The following ASZ1 variants were observed in gnomAD, a reference collection of about 807,000 sequenced individuals.
The protein encoded by ASZ1 is ankyrin repeat, SAM and basic leucine zipper domain-containing protein 1.
ASZ1 carries 67 observed loss-of-function variants against 61.8 expected under a neutral mutation model. The ratio of observed to expected loss-of-function variants is 1.08; its 90% CI spans 0.89 to 1.33. The LOEUF (loss-of-function observed/expected upper bound fraction) is 1.33, where lower values mean the gene tolerates loss of function less well. Ranked by LOEUF, ASZ1 falls within the 40% of genes most tolerant of loss-of-function variation. The probability of loss-of-function intolerance (pLI) is 0.00; values close to 1 mark genes in which losing one functional copy is unlikely to be tolerated. For synonymous variants in ASZ1, 193 were observed against 192.7 expected (o/e 1.00, Z -0.01); for missense variants, 577 against 554.5 (o/e 1.04, Z -0.41).
At chr7:117,408,033 C>T (rs1277761882) in intron 4 of ASZ1, among the ~76,000 whole-genome samples, 1 of 152,160 alleles carries the variant, frequency 6.6e-6, no homozygotes, top group Non-Finnish European at 1.5e-5. Flanking sequence ...CTCATGTTCA[C>T]CAACTCAAAA....
Position 117,363,767 on chromosome 7 carries a change from A to T in ASZ1, c.1276-19T>A. The T allele has an allele frequency of 1.3e-6, 2 of 1,545,718 alleles. No individual in the cohort carries two copies. The highest frequency in any genetic ancestry group is 1.4e-5 in the African/African-American group (1 of 72,170). ...TTTGCAACTAATATTTAGTATGGAA[A>T]AAGAAAAGAGGAGTTACTGTACAAT... On this transcript the variant is annotated intron_variant, in intron 12 of 12. Transcript: ENST00000284629.
chr7:117,376,993 G>T (rs1354316582), intron 10 of ASZ1, among the ~76,000 whole-genome samples: 1 of 151,994 alleles, frequency 6.6e-6, no homozygotes, highest in Non-Finnish European at 1.5e-5. Context: ...ACCTCTTTTT[G>T]CAGACTACAT....
chr7:117,399,124 G>C (rs1796630204), intron 4 of ASZ1, among the ~76,000 whole-genome samples: 1 of 152,162 alleles, frequency 6.6e-6, no homozygotes, highest in African/African-American at 2.4e-5. Context: ...AAGCTCCTTA[G>C]GAGGCTGAGG....
chr7:117,377,286 G>C (rs1236836935), intron 10 of ASZ1, among the ~76,000 whole-genome samples: 7 of 152,138 alleles, frequency 4.6e-5, no homozygotes, highest in Admixed American at 4.6e-4. Flanking sequence ...CAGTACTTAG[G>C]GAGCCGAGGT....
chr7:117,401,521 G>A (rs1796680793), intron 4 of ASZ1, among the ~76,000 whole-genome samples: 1 of 152,098 alleles, frequency 6.6e-6, no homozygotes, highest in African/African-American at 2.4e-5. Context: ...AATAGGGATG[G>A]CACTATGTTT....
In ASZ1 at chr7:117,385,741, G is replaced by A; in HGVS notation, c.509C>T (p.Ala170Val). The change falls in exon 5 of 13, where the codon GCT becomes GTT. Residue 170 changes from alanine (A) to valine (V), a missense_variant. By Grantham distance (64) the Ala-to-Val change is moderately conservative (BLOSUM62 0). Coordinates refer to ENST00000284629, the MANE Select transcript of ASZ1 (RefSeq NM_130768.3). ...GHTQVVALLV[A>V]HGAEVNTQDE... Reference sequence around the variant, plus strand: ...CTGGGTATTAACTTCTGCTCCATGAGCAACAAGGAGAGCAACAACCTGGGT... The same window carrying A: ...CTGGGTATTAACTTCTGCTCCATGAACAACAAGGAGAGCAACAACCTGGGT... The A allele has an allele frequency of 3.7e-6, 6 of 1,613,228 alleles. No homozygotes were observed. Among genetic ancestry groups the A allele is most frequent in the Non-Finnish European group, 5.1e-6 (6 of 1,179,410 alleles).
intron 4 of ASZ1, among the ~76,000 whole-genome samples, chr7:117,417,440 G>A (rs1035234784): frequency 2.6e-5 from 4 of 152,090 alleles, no homozygotes; most frequent in Admixed American, 1.3e-4. Context: ...TGTATTGCTG[G>A]TATCTTTTGG....
intron 4 of ASZ1, among the ~76,000 whole-genome samples, chr7:117,407,920 T>C (rs546113718): frequency 1.3e-5 from 2 of 152,118 alleles, no homozygotes; most frequent in Non-Finnish European, 2.9e-5. Context: ...TTAGTGTGTA[T>C]AGAGTCTTCG....
At chr7:117,426,399 A>G (rs1285012161) in intron 2 of ASZ1, among the ~76,000 whole-genome samples, 1 of 147,188 alleles carries the variant, frequency 6.8e-6, no homozygotes, top group Non-Finnish European at 1.5e-5. Flanking sequence ...GTGAGGCAGG[A>G]GAATCGCTTG....
At chr7:117,365,788 T>C (rs569747062) in intron 12 of ASZ1, among the ~76,000 whole-genome samples, 3 of 152,328 alleles carry the variant, frequency 2.0e-5, no homozygotes, top group East Asian at 1.9e-4. Flanking sequence ...GGCAGTCTTA[T>C]GTTTGTTGAA....
At chr7:117,365,574 CCTACA>C (rs1795920386) in intron 12 of ASZ1, among the ~76,000 whole-genome samples, 1 of 152,106 alleles carries the variant, frequency 6.6e-6, no homozygotes. Flanking sequence ...TAGGAAATTT[CCTACA>C]CTAAACATTA....
intron 4 of ASZ1, among the ~76,000 whole-genome samples, chr7:117,410,911 T>C (rs1157219487): frequency 2.0e-5 from 3 of 151,762 alleles, no homozygotes; most frequent in Admixed American, 1.3e-4. Context: ...GTGTATAATT[T>C]ATTATACACT....
At chr7:117,397,399 T>G (rs1250315584) in intron 4 of ASZ1, among the ~76,000 whole-genome samples, 29 of 152,064 alleles carry the variant, frequency 1.9e-4, no homozygotes, top group Admixed American at 1.8e-3. Context: ...CTTACAAAAA[T>G]GCGCAAGACT....
intron 10 of ASZ1, among the ~76,000 whole-genome samples, chr7:117,376,947 A>G (rs183020469): frequency 2.4e-4 from 37 of 152,054 alleles, no homozygotes; most frequent in Non-Finnish European, 4.7e-4. Flanking sequence ...GCCATGAGGG[A>G]AAAAAAAGGT....
intron 4 of ASZ1, among the ~76,000 whole-genome samples, chr7:117,416,331 A>C (rs1016710104): frequency 1.3e-5 from 2 of 152,208 alleles, no homozygotes; most frequent in Non-Finnish European, 2.9e-5. Context: ...CTTAGCATAG[A>C]GCCTAAATAC....
intron 4 of ASZ1, among the ~76,000 whole-genome samples, chr7:117,390,848 C>T (rs1332900835): frequency 6.6e-6 from 1 of 152,064 alleles, no homozygotes; most frequent in Admixed American, 6.5e-5. Context: ...GGATTACAGG[C>T]GCCTGCCACT....
chr7:117,406,093 T>C (rs1796777450), intron 4 of ASZ1, among the ~76,000 whole-genome samples: 1 of 152,286 alleles, frequency 6.6e-6, no homozygotes, highest in Admixed American at 6.5e-5. Flanking sequence ...ATTATCAGAG[T>C]ATGCTTGAGT....
chr7:117,378,650 G>A (rs984747009), intron 10 of ASZ1, among the ~76,000 whole-genome samples: 5 of 151,908 alleles, frequency 3.3e-5, no homozygotes, highest in Admixed American at 1.3e-4. Flanking sequence ...TGCAACCACC[G>A]TACAACCTAA....
intron 4 of ASZ1, among the ~76,000 whole-genome samples, chr7:117,398,049 A>T (rs977259895): frequency 5.3e-5 from 8 of 152,178 alleles, no homozygotes; most frequent in African/African-American, 1.7e-4. Context: ...CAAATGATGT[A>T]TTTTTGTTTC....
Sources: allele counts gnomAD v4.1 joint callset (sites outside exome capture counted in the v4.1 genomes callset), GRCh38; gene constraint gnomAD v4.1.1; transcripts MANE v1.5; gene names NCBI Gene and HGNC (gene_info 2026-07-23, HGNC 2026-07-21).